CLPTM1: variants seen among roughly 807,000 people sequenced by gnomAD.
CLPTM1 encodes the protein CLPTM1 regulator of GABA type A receptor forward trafficking.
A neutral mutation model predicts 77.3 loss-of-function variants in CLPTM1; 21 were observed. The observed-to-expected ratio is 0.27, with a 90% confidence interval of 0.19 to 0.39. The LOEUF (loss-of-function observed/expected upper bound fraction) is 0.39, where lower values mean the gene tolerates loss of function less well. Among genes scored for constraint, CLPTM1 ranks in the 10% least tolerant of loss-of-function variants. CLPTM1 has a pLI of 1.00. For synonymous variants in CLPTM1, 373 were observed against 381.0 expected (o/e 0.98, Z 0.24); for missense variants, 642 against 921.2 (o/e 0.70, Z 3.92).
In CLPTM1 at chr19:44,955,409, A is replaced by C; in HGVS notation, c.14A>C (p.Gln5Pro). Reference protein sequence around the residue: MAAAQEADGARSAVV... With the variant: MAAAPEADGARSAVV... ...CGGAGCGGGAAGATGGCGGCGGCGCAGGAGGCGGACGGGGCCCGCAGCGCC... is the reference window on the plus strand; with the variant it reads ...CGGAGCGGGAAGATGGCGGCGGCGCCGGAGGCGGACGGGGCCCGCAGCGCC... Residue 5 changes from glutamine (Q) to proline (P), a missense_variant, in exon 1 of 14, where the codon CAG becomes CCG. Gln to Pro is a moderately conservative substitution (Grantham distance 76). Around this residue, in one of 2 missense-constraint regions of CLPTM1, gnomAD observed 121 missense variants for 120.8 expected, o/e 1.00. Transcript: ENST00000337392. 1.5e-6 allele frequency: 2 copies of C among 1,331,312 alleles called. No homozygotes were observed. Among genetic ancestry groups the C allele is most frequent in the Non-Finnish European group, 1.9e-6 (2 of 1,039,828 alleles). 82.5% of individuals were successfully genotyped at this position (1,331,312 alleles called of 1,614,324 possible).
chr19:44,990,746 T>C lies in CLPTM1; in HGVS notation c.1324-104T>C. The C allele has an allele frequency of 3.1e-6, 4 of 1,279,630 alleles. No homozygotes were observed. The highest frequency in any genetic ancestry group is 4.9e-5 in the East Asian group (2 of 40,820). The allele number at this position is 1,279,630 out of a possible 1,614,324, so 79.3% of individuals were successfully genotyped here. ...ACCAGGGGATTTTTTGGGTCACACA[T>C]GGGGCAGGGGAACTGGGAACGGTGG... On this transcript the variant is annotated intron_variant, in intron 10 of 13. Coordinates refer to ENST00000337392, the MANE Select transcript of CLPTM1 (RefSeq NM_001294.4). This position sits in a 1 kb window ranked among gnomAD's most constrained non-coding sequence, Gnocchi z 4.8.
intron 2 of CLPTM1, among the ~76,000 whole-genome samples, chr19:44,966,654 C>T (rs1970634120): frequency 2.5e-5 from 1 of 39,990 alleles, no homozygotes; most frequent in Non-Finnish European, 4.6e-5. Context: ...CCTCATTTTC[C>T]ACCTCACAGA....
chr19:44,973,880 C>T (rs1970763806), intron 3 of CLPTM1, among the ~76,000 whole-genome samples: 1 of 151,666 alleles, frequency 6.6e-6, no homozygotes, highest in Non-Finnish European at 1.5e-5. Context: ...CCTCCTGCCT[C>T]AGCCTCACGA....
At chr19:44,971,515 C>T (rs925202556) in intron 2 of CLPTM1, among the ~76,000 whole-genome samples, 1 of 152,154 alleles carries the variant, frequency 6.6e-6, no homozygotes, top group African/African-American at 2.4e-5. Flanking sequence ...TTCTAAGCTT[C>T]TGTGCCTTCG....
At chr19:44,968,805 A>G (rs1703047298) in intron 2 of CLPTM1, among the ~76,000 whole-genome samples, 1 of 152,192 alleles carries the variant, frequency 6.6e-6, no homozygotes, top group African/African-American at 2.4e-5. Flanking sequence ...TGGTGTGTTT[A>G]CTAAAATGAG....
At chr19:44,955,278 C>T, upstream of CLPTM1, 1 of 1,462,114 alleles carries the variant, frequency 6.8e-7, no homozygotes. Flanking sequence ...GGCTGCGGCA[C>T]TCTTGCCGGA....
intron 9 of CLPTM1, among the ~76,000 whole-genome samples, 183 bp downstream of exon 9, chr19:44,988,356 C>T (rs1971016429): frequency 6.6e-6 from 1 of 152,206 alleles, no homozygotes; most frequent in Non-Finnish European, 1.5e-5. Context: ...CCAGAAATTC[C>T]CACCCACCGG....
At chr19:44,966,280 A>G (rs892862426) in intron 2 of CLPTM1, among the ~76,000 whole-genome samples, 29 of 151,810 alleles carry the variant, frequency 1.9e-4, no homozygotes, top group Non-Finnish European at 3.4e-4. Flanking sequence ...GCATGGTGGC[A>G]GGCGCCTATA....
intron 3 of CLPTM1, among the ~76,000 whole-genome samples, chr19:44,973,621 C>T (rs144993526): frequency 5.5e-4 from 83 of 152,238 alleles, no homozygotes; most frequent in African/African-American, 1.9e-3. Context: ...TGCACTTCCA[C>T]AGTGGGCTTG....
In CLPTM1 at chr19:44,993,253, G is replaced by T. The variant is rs112272018; in HGVS notation, c.*356G>T. On this transcript the variant is annotated 3_prime_UTR_variant, in exon 14 of 14. Coordinates refer to ENST00000337392, the MANE Select transcript of CLPTM1 (RefSeq NM_001294.4). ...ACGGCCGTTCATCATCTTGTCCCTCGTCCCCCTACCACACTCCCCCTCCTA... is the reference window on the plus strand; with the variant it reads ...ACGGCCGTTCATCATCTTGTCCCTCTTCCCCCTACCACACTCCCCCTCCTA... The T allele has an allele frequency of 1.4e-4, 72 of 499,080 alleles. No homozygotes were observed. The highest frequency in any genetic ancestry group is 1.1e-3 in the Admixed American group (49 of 43,224). 30.9% of individuals were successfully genotyped at this position (499,080 alleles called of 1,614,324 possible).
chr19:44,955,036 G>A, upstream of CLPTM1: 3 of 1,535,644 alleles, frequency 2.0e-6, no homozygotes, highest in South Asian at 1.2e-5. Context: ...GCGAAGAATC[G>A]GCAGGGAGAA....
At position 44,993,045 on chromosome 19, in the gene CLPTM1, T is replaced by C. The variant is rs9193; in HGVS notation, c.*148T>C. 0.87 allele frequency: 864,482 copies of C among 999,374 alleles called. 375,215 individuals carry two copies. Among genetic ancestry groups the C allele is most frequent in the East Asian group, 0.94 (37,244 of 39,498 alleles). 61.9% of individuals were successfully genotyped at this position (999,374 alleles called of 1,614,324 possible). On this transcript the variant is annotated 3_prime_UTR_variant, in exon 14 of 14. Coordinates refer to ENST00000337392, the MANE Select transcript of CLPTM1 (RefSeq NM_001294.4). The stretch of plus-strand genomic sequence containing the variant: ...CCTCAGGTCAGGGCCCAGCGTGTGA[T>C]GTAGGGGCCGGGGCAGGCCAGGGTT...
rs1039370131 is a variant in CLPTM1 at position 44,993,218 on chromosome 19, C to T, written c.*321C>T. On this transcript the variant is annotated 3_prime_UTR_variant, in exon 14 of 14. Coordinates refer to ENST00000337392, the MANE Select transcript of CLPTM1 (RefSeq NM_001294.4). ...GCGGGGGTGGGGCCGGGCCCCCCTACGGGATGCCCACGGCCGTTCATCATC... is the reference window on the plus strand; with the variant it reads ...GCGGGGGTGGGGCCGGGCCCCCCTATGGGATGCCCACGGCCGTTCATCATC... 9.0e-6 allele frequency: 5 copies of T among 553,874 alleles called. No individual in the cohort carries two copies. Among genetic ancestry groups the T allele is most frequent in the African/African-American group, 1.9e-5 (1 of 53,716 alleles). 34.3% of individuals were successfully genotyped at this position (553,874 alleles called of 1,614,324 possible).
In CLPTM1 at chr19:44,973,165, T is replaced by C. The variant is rs204481; in HGVS notation, c.264T>C (p.Ala88=). ...AGGACCAGGCGGGCCCCGGAGGAGC[T>C]CCACGCGTCGCCAGCCGCAACCTGT... is the stretch of plus-strand genomic sequence containing the variant. The part of the protein sequence containing the change: ...APQDQAGPGG[A]PRVASRNLFP... Residue 88 remains alanine (A), a synonymous_variant, in exon 3 of 14, where the codon GCT becomes GCC. Transcript: ENST00000337392. 0.95 allele frequency: 1,531,579 copies of C among 1,613,924 alleles called. 727,482 individuals are homozygous for C. The highest frequency in any genetic ancestry group is 0.96 in the Non-Finnish European group (1,130,746 of 1,179,940).
At chr19:44,971,867 CTTTT>C (rs10693027) in intron 2 of CLPTM1, among the ~76,000 whole-genome samples, 3 of 83,288 alleles carry the variant, frequency 3.6e-5, no homozygotes, top group Non-Finnish European at 6.4e-5. Flanking sequence ...CCCAATTATA[CTTTT>C]TTTTTTTTTT....
At position 44,976,383 on chromosome 19, in the gene CLPTM1, G is replaced by C. The variant is rs147663152; in HGVS notation, c.469-960G>C. Among the ~76,000 whole-genome samples, 962 of 152,350 alleles carry C rather than the reference G, an allele frequency of 6.3e-3. 13 individuals are homozygous for C. Among genetic ancestry groups the C allele is most frequent in the African/African-American group, 0.021 (890 of 41,586 alleles). On this transcript the variant is annotated intron_variant, in intron 4 of 13. Transcript: ENST00000337392. Reference sequence around the variant, plus strand: ...GCCTGTAGGCACAGCTACTCAGGAGGCTGAGGTGGGAGAATGGCCAGAGCC... The same window carrying C: ...GCCTGTAGGCACAGCTACTCAGGAGCCTGAGGTGGGAGAATGGCCAGAGCC...
At chr19:44,978,634 G>A (rs1437430169) in intron 5 of CLPTM1, among the ~76,000 whole-genome samples, 1 of 151,902 alleles carries the variant, frequency 6.6e-6, no homozygotes, top group Non-Finnish European at 1.5e-5. Context: ...CCACGTCTCT[G>A]AAAAAACAAT....
intron 2 of CLPTM1, among the ~76,000 whole-genome samples, chr19:44,968,069 A>G (rs1009351610): frequency 2.0e-5 from 3 of 152,136 alleles, no homozygotes; most frequent in African/African-American, 7.2e-5. Flanking sequence ...CATTAACAAT[A>G]TATCTTTGAA....
chr19:44,988,832 G>A (rs774294859), intron 9 of CLPTM1, among the ~76,000 whole-genome samples: 27 of 152,178 alleles, frequency 1.8e-4, no homozygotes, highest in Non-Finnish European at 2.9e-4. Flanking sequence ...AGTGGCCTGC[G>A]GCCCTGTAGC....
Sources: gnomAD v4.1 joint callset for allele counts (sites outside exome capture counted in the v4.1 genomes callset) on GRCh38, gnomAD v4.1.1 for gene constraint, gnomAD v4.1.1 regional missense constraint, Gnocchi (gnomAD v3.1) non-coding constraint, MANE v1.5 for transcripts, NCBI Gene and HGNC (gene_info 2026-07-23, HGNC 2026-07-21) for gene names.